Variants in TEX36 observed in about 807,000 individuals in gnomAD.
The protein encoded by TEX36 is testis expressed 36, also known as testis-expressed protein 36.
TEX36 carries 12 observed loss-of-function variants against 13.6 expected under a neutral mutation model. The ratio of observed to expected loss-of-function variants is 0.88; its 90% CI spans 0.56 to 1.43. The LOEUF (loss-of-function observed/expected upper bound fraction) is 1.43. TEX36 is among the 40% of genes most tolerant of loss of function. The pLI, the probability that TEX36 is intolerant of heterozygous loss-of-function variation, is 0.00. For synonymous variants in TEX36, 93 were observed against 83.0 expected (o/e 1.12, Z -0.65); for missense variants, 224 against 228.3 (o/e 0.98, Z 0.12).
intron 3 of TEX36, among the ~76,000 whole-genome samples, chr10:125,577,736 T>C (rs1057514799): frequency 1.3e-5 from 2 of 152,242 alleles, no homozygotes; most frequent in African/African-American, 4.8e-5. Context: ...TACTTAAAAT[T>C]ATAACAGAAG....
At chr10:125,631,425 G>A (rs1846553054) in intron 3 of TEX36, among the ~76,000 whole-genome samples, 1 of 152,172 alleles carries the variant, frequency 6.6e-6, no homozygotes, top group South Asian at 2.1e-4. Flanking sequence ...GGAGAGCCCT[G>A]TCCTGATCTT....
intron 3 of TEX36, among the ~76,000 whole-genome samples, chr10:125,636,049 ATGTAT>A (rs1359218771): frequency 6.6e-6 from 1 of 150,896 alleles, no homozygotes; most frequent in East Asian, 2.0e-4. Context: ...AATTTTTAAA[ATGTAT>A]TGTAGAGATG....
downstream of TEX36, among the ~76,000 whole-genome samples, chr10:125,655,409 C>T (rs1219087479): frequency 1.3e-5 from 2 of 152,168 alleles, no homozygotes; most frequent in African/African-American, 4.8e-5. Context: ...GGTGCCACTG[C>T]ACTCCAGCCT....
At chr10:125,659,643 T>C (rs187742091) in intron 3 of TEX36, among the ~76,000 whole-genome samples, 88 of 152,344 alleles carry the variant, frequency 5.8e-4, no homozygotes, top group Admixed American at 1.7e-3. Flanking sequence ...CACTTCTATT[T>C]AGTTAAGACA....
At chr10:125,638,060 A>G (rs1589766246) in intron 3 of TEX36, among the ~76,000 whole-genome samples, 1 of 149,054 alleles carries the variant, frequency 6.7e-6, no homozygotes, top group South Asian at 2.2e-4. Flanking sequence ...ACCTCTCTCC[A>G]CCTCCCTCAC....
At chr10:125,622,220 C>T (rs1236472426) in intron 3 of TEX36, among the ~76,000 whole-genome samples, 1 of 152,158 alleles carries the variant, frequency 6.6e-6, no homozygotes, top group Non-Finnish European at 1.5e-5. Context: ...ATCCTTCGTA[C>T]AACAAGAAGC....
intron 3 of TEX36, among the ~76,000 whole-genome samples, chr10:125,633,505 T>C (rs1384496065): frequency 1.3e-5 from 2 of 152,190 alleles, no homozygotes; most frequent in African/African-American, 4.8e-5. Context: ...CAGGAGAAAA[T>C]GTAGAAAACA....
At chr10:125,626,602 T>G (rs1846493393) in intron 3 of TEX36, among the ~76,000 whole-genome samples, 1 of 152,140 alleles carries the variant, frequency 6.6e-6, no homozygotes, top group Non-Finnish European at 1.5e-5. Flanking sequence ...ACAAGGCTGA[T>G]GTCAAACCAG....
At chr10:125,672,159 T>G (rs1014333041) in intron 1 of TEX36, among the ~76,000 whole-genome samples, 5 of 152,188 alleles carry the variant, frequency 3.3e-5, no homozygotes, top group African/African-American at 4.8e-5. Flanking sequence ...GGTTATTTCT[T>G]GTCTTCTGCT....
chr10:125,667,200 G>C lies in TEX36; in HGVS notation c.52-5223C>G, dbSNP rs1847137879. ...GGTGCAGCGTTGTGACAGTCACCAT[G>C]GCAATCTCCTCGTGAGAAAACTTCT... On this transcript the variant is annotated intron_variant, in intron 1 of 3. Transcript: ENST00000368821. The C allele has an allele frequency of 9.3e-6, 6 of 648,326 alleles. No homozygotes were observed. The Admixed American group carries it at 1.1e-4, about 12-fold the overall frequency. The allele number at this position is 648,326 out of a possible 1,614,324, so 40.2% of individuals were successfully genotyped here.
At position 125,600,879 on chromosome 10, in the gene TEX36, G is replaced by A. The variant is rs759988108; in HGVS notation, c.265-24005C>T. Among the ~76,000 whole-genome samples, 27 of 152,274 alleles carry A rather than the reference G, an allele frequency of 1.8e-4. No individual in the cohort carries two copies. The South Asian group carries it at 2.1e-3, about 12-fold the overall frequency. On this transcript the variant is annotated intron_variant, in intron 3 of 3. Transcript: ENST00000532135. ...TTGCAACTGTGAGACACTGAATACC[G>A]CGGCCCATTTCTATCTGGATCCTAC...
intron 3 of TEX36, among the ~76,000 whole-genome samples, chr10:125,591,443 G>C (rs1217950485): frequency 6.6e-6 from 1 of 152,118 alleles, no homozygotes; most frequent in East Asian, 1.9e-4. Context: ...CAGGCTGTGT[G>C]GATTTGTCTT....
intron 3 of TEX36, among the ~76,000 whole-genome samples, chr10:125,581,786 G>A (rs966613790): frequency 6.6e-6 from 1 of 152,160 alleles, no homozygotes. Context: ...GATGTAGGGT[G>A]GTGGTCTCTC....
intron 3 of TEX36, among the ~76,000 whole-genome samples, chr10:125,635,841 C>T (rs1360289749): frequency 1.3e-5 from 2 of 151,918 alleles, no homozygotes; most frequent in Non-Finnish European, 2.9e-5. Flanking sequence ...AACTTCTCTG[C>T]TTGGTGATTG....
intron 3 of TEX36, among the ~76,000 whole-genome samples, chr10:125,611,017 G>A (rs1385762138): frequency 2.0e-5 from 3 of 152,094 alleles, no homozygotes; most frequent in African/African-American, 7.2e-5. Flanking sequence ...TTTCAGTTGT[G>A]TAACCTGCCT....
intron 1 of TEX36, among the ~76,000 whole-genome samples, chr10:125,673,961 T>C (rs1847272413): frequency 6.6e-6 from 1 of 152,168 alleles, no homozygotes; most frequent in African/African-American, 2.4e-5. Context: ...AATTTGAATG[T>C]TGACCTGTCT....
chr10:125,586,258 C>T (rs1327643802), intron 3 of TEX36, among the ~76,000 whole-genome samples: 3 of 152,122 alleles, frequency 2.0e-5, no homozygotes, highest in Admixed American at 6.5e-5. Context: ...TATAAGTTAA[C>T]CCTTACTCTC....
chr10:125,615,608 C>T (rs1490382444), intron 3 of TEX36, among the ~76,000 whole-genome samples: 1 of 151,102 alleles, frequency 6.6e-6, no homozygotes, highest in African/African-American at 2.5e-5. Context: ...TATATTGAAC[C>T]AGCCTTGCAT....
chr10:125,634,201 A>T (rs1490472690), intron 3 of TEX36, among the ~76,000 whole-genome samples: 1 of 152,142 alleles, frequency 6.6e-6, no homozygotes, highest in African/African-American at 2.4e-5. Context: ...AATCTTGCAT[A>T]GTGCTTGAGT....
Sources: gnomAD v4.1 joint callset for allele counts (sites outside exome capture counted in the v4.1 genomes callset) on GRCh38, gnomAD v4.1.1 for gene constraint, MANE v1.5 for transcripts, NCBI Gene and HGNC (gene_info 2026-07-23, HGNC 2026-07-21) for gene names.